The following HSD17B4 variants were observed in gnomAD, a reference collection of about 807,000 sequenced individuals.
HSD17B4 encodes peroxisomal multifunctional enzyme type 2.
Under a neutral mutation model 101.0 loss-of-function variants are expected in HSD17B4, and 70 were observed. The ratio of observed to expected loss-of-function variants is 0.69; its 90% CI spans 0.57 to 0.85. HSD17B4 has a LOEUF of 0.85. Ranked by LOEUF, HSD17B4 falls within the 40% of genes least tolerant of loss-of-function variation. HSD17B4 has a pLI of 0.00. For synonymous variants in HSD17B4, 347 were observed against 297.1 expected, an observed-to-expected ratio of 1.17 and a Z score of -1.73; for missense variants, 984 against 892.4, an observed-to-expected ratio of 1.10 and a Z score of -1.31.
chr5:119,470,655 G>C (rs930388088), intron 2 of HSD17B4, among the ~76,000 whole-genome samples: 2 of 152,200 alleles, frequency 1.3e-5, no homozygotes, highest in African/African-American at 4.8e-5. Context: ...AAGCTGCCAT[G>C]CAGAGTTTCT....
chr5:119,509,509 AT>A, intron 16 of HSD17B4: 1 of 569,930 alleles, frequency 1.8e-6, no homozygotes, highest in South Asian at 1.8e-5. Context: ...ATATTCTTTC[AT>A]TTTTTATGTT....
intron 21 of HSD17B4, among the ~76,000 whole-genome samples, chr5:119,530,309 G>T (rs918216679): frequency 6.6e-6 from 1 of 152,028 alleles, no homozygotes; most frequent in Non-Finnish European, 1.5e-5. Context: ...TGAATATCCT[G>T]TACCTTTTTC....
Position 119,529,964 on chromosome 5 carries a change from C to A in HSD17B4, c.1838C>A (p.Ala613Asp). 1 of 1,597,888 alleles carries A rather than the reference C, an allele frequency of 6.3e-7. No individual in the cohort carries two copies. Among genetic ancestry groups the A allele is most frequent in the African/African-American group, 1.3e-5 (1 of 74,500 alleles). The change falls in exon 21 of 24, where the codon GCT becomes GAT. Residue 613 changes from alanine (A) to aspartate (D), a missense_variant. Coordinates refer to ENST00000510025, the MANE Select transcript of HSD17B4 (RefSeq NM_000414.4). ...CTTGCACCAACATCTGGTACTTCAG[C>A]TAAGACACCCTCTGAGGTAGGTTAT... Reference protein sequence around the residue: ...VDLAPTSGTSAKTPSEGGKLQ... With the variant: ...VDLAPTSGTSDKTPSEGGKLQ...
chr5:119,470,340 G>T (rs550021534), intron 2 of HSD17B4, among the ~76,000 whole-genome samples: 7 of 152,240 alleles, frequency 4.6e-5, no homozygotes, highest in African/African-American at 1.7e-4. Flanking sequence ...GGATGTGGAG[G>T]TGTCTGGGCT....
Position 119,483,570 on chromosome 5 carries a change from G to A in HSD17B4, c.622+4549G>A, listed in dbSNP as rs182499882. Among the ~76,000 whole-genome samples the A allele has an allele frequency of 4.1e-4, 63 of 152,086 alleles. 2 individuals carry two copies. Among genetic ancestry groups the A allele is most frequent in the Admixed American group, 3.7e-3 (57 of 15,284 alleles). On this transcript the variant is annotated intron_variant, in intron 8 of 23. Transcript: ENST00000510025. ...TTGCATTGTATTTTACCTTATTCAT[G>A]TTCCATAATTTTAAAAAATGCTTTT...
Position 119,496,588 on chromosome 5 carries a change from A to T in HSD17B4, c.914A>T (p.Glu305Val). Residue 305 changes from glutamate to valine, a missense_variant, in exon 12 of 24, where the codon GAA becomes GTA. Transcript: ENST00000510025. ...IIEVLSKIDSEGGVSANHTSR... is the reference protein window; with the variant it reads ...IIEVLSKIDSVGGVSANHTSR... ...GAAGTTCTGAGTAAAATAGATTCAG[A>T]AGGAGGAGTTTCAGCAAATCATACT... The T allele has an allele frequency of 6.2e-7, 1 of 1,606,100 alleles. No homozygotes were observed. Among genetic ancestry groups the T allele is most frequent in the Non-Finnish European group, 8.5e-7 (1 of 1,172,784 alleles).
chr5:119,531,504 CT>C, intron 22 of HSD17B4, 100 bp downstream of exon 22: 1 of 1,225,946 alleles, frequency 8.2e-7, no homozygotes, highest in Non-Finnish European at 1.2e-6. Flanking sequence ...TAAATCTTAC[CT>C]TTTTAGGTAA....
At chr5:119,469,057 C>G (rs766546975) in intron 2 of HSD17B4, among the ~76,000 whole-genome samples, 4 of 150,468 alleles carry the variant, frequency 2.7e-5, no homozygotes, top group Non-Finnish European at 5.9e-5. Flanking sequence ...TCATTGTATT[C>G]TTAAGCTCTG....
chr5:119,492,914 G>T (rs546051450), intron 10 of HSD17B4: 1 of 152,134 alleles, frequency 6.6e-6, no homozygotes, highest in African/African-American at 2.4e-5. Context: ...AACTGAATCA[G>T]TTAAAAGGTT....
At chr5:119,512,014 A>G (rs1186790658) in intron 16 of HSD17B4, among the ~76,000 whole-genome samples, 1 of 152,180 alleles carries the variant, frequency 6.6e-6, no homozygotes, top group African/African-American at 2.4e-5. Flanking sequence ...ATATATATAA[A>G]TTATTACAAA....
intron 11 of HSD17B4, among the ~76,000 whole-genome samples, chr5:119,495,493 A>C (rs1386803291): frequency 6.6e-6 from 1 of 152,182 alleles, no homozygotes; most frequent in Non-Finnish European, 1.5e-5. Flanking sequence ...TGTTTGAGCC[A>C]AGAAGTAATT....
At chr5:119,466,327 G>A (rs528662955) in intron 2 of HSD17B4, among the ~76,000 whole-genome samples, 414 of 152,250 alleles carry the variant, frequency 2.7e-3, no homozygotes, top group African/African-American at 9.5e-3. Flanking sequence ...CATAGAATGA[G>A]TTTGGAAGAA....
At chr5:119,528,096 T>G (rs1034706060) in intron 20 of HSD17B4, among the ~76,000 whole-genome samples, 1 of 152,142 alleles carries the variant, frequency 6.6e-6, no homozygotes, top group Non-Finnish European at 1.5e-5. Flanking sequence ...ACCTATAAAC[T>G]GGCAATAGTA....
intron 20 of HSD17B4, among the ~76,000 whole-genome samples, chr5:119,527,483 A>G (rs1018747524): frequency 6.6e-6 from 1 of 152,038 alleles, no homozygotes; most frequent in Non-Finnish European, 1.5e-5. Flanking sequence ...GCAGTGGCCC[A>G]GCTATTCTGA....
At chr5:119,539,794 A>G (rs1171522659) in intron 23 of HSD17B4, among the ~76,000 whole-genome samples, 1 of 152,028 alleles carries the variant, frequency 6.6e-6, no homozygotes, top group Non-Finnish European at 1.5e-5. Flanking sequence ...TGGAGGGAAT[A>G]TAAAATTGGT....
rs557179783 is a variant in HSD17B4, at chr5:119,515,269, G to A, written c.1503+223G>A. 6.6e-5 allele frequency among the ~76,000 whole-genome samples: 10 copies of A among 151,940 alleles called. No individual in the cohort carries two copies. The East Asian group carries it at 1.9e-3, about 29-fold the overall frequency. Reference sequence around the variant, plus strand: ...AGATACCAAAATAAAATATAAAATGGTTTTTTATTAGTCAATTTAAAAAGC... The same window carrying A: ...AGATACCAAAATAAAATATAAAATGATTTTTTATTAGTCAATTTAAAAAGC... On this transcript the variant is annotated intron_variant, in intron 17 of 23. Transcript: ENST00000510025.
chr5:119,501,719 G>T (rs937804544), intron 13 of HSD17B4, among the ~76,000 whole-genome samples: 1 of 152,020 alleles, frequency 6.6e-6, no homozygotes, highest in African/African-American at 2.4e-5. Flanking sequence ...TATGTTCCAG[G>T]CACTGTTATA....
At chr5:119,466,095 GT>G (rs1755780419) in intron 2 of HSD17B4, among the ~76,000 whole-genome samples, 1 of 152,034 alleles carries the variant, frequency 6.6e-6, no homozygotes, top group Non-Finnish European at 1.5e-5. Flanking sequence ...TTTCTCCTTT[GT>G]TTTGTTGATG....
chr5:119,493,717 TC>T, intron 10 of HSD17B4, 100 bp from the exon 11 acceptor site: 1 of 1,137,832 alleles, frequency 8.8e-7, no homozygotes, highest in Non-Finnish European at 1.3e-6. Flanking sequence ...TCCCTTTTTT[TC>T]TGAATTTCCT....
Sources: allele counts gnomAD v4.1 joint callset (sites outside exome capture counted in the v4.1 genomes callset), GRCh38; gene constraint gnomAD v4.1.1; transcripts MANE v1.5; gene names NCBI Gene and HGNC (gene_info 2026-07-23, HGNC 2026-07-21).